The following RBPJ variants were observed in gnomAD, a reference collection of about 807,000 sequenced individuals.
RBPJ encodes recombining binding protein suppressor of hairless.
RBPJ carries 9 observed loss-of-function variants against 67.8 expected under a neutral mutation model. The observed-to-expected ratio is 0.13, with a 90% CI of 0.08 to 0.23. The LOEUF (loss-of-function observed/expected upper bound fraction) is 0.23, where lower values mean the gene tolerates loss of function less well. RBPJ is among the 10% of genes least tolerant of loss of function. The probability of loss-of-function intolerance (pLI) is 1.00; values close to 1 mark genes in which losing one functional copy is unlikely to be tolerated. For synonymous variants in RBPJ, 198 were observed against 203.3 expected (o/e 0.97, Z 0.22); for missense variants, 305 against 595.6 (o/e 0.51, Z 5.08).
chr4:26,237,685 C>G, intron 1 of RBPJ, among the ~76,000 whole-genome samples: 1 of 152,134 alleles, frequency 6.6e-6, no homozygotes, highest in East Asian at 1.9e-4. Context: ...ACGAGAAAAT[C>G]ACTTCAATTT....
intron 1 of RBPJ, among the ~76,000 whole-genome samples, chr4:26,185,260 T>C (rs562422806): frequency 6.6e-6 from 1 of 152,284 alleles, no homozygotes; most frequent in East Asian, 1.9e-4. Context: ...GGCAAACTTC[T>C]TACGGTATTT....
intron 1 of RBPJ, among the ~76,000 whole-genome samples, chr4:26,270,441 A>AAAGAAAGAAGG (rs1560238054): frequency 3.4e-5 from 4 of 116,388 alleles, no homozygotes; most frequent in African/African-American, 1.4e-4. Context: ...AAGAAAGAAG[A>AAAGAAAGAAGG]AAGAAAGAAA....
chr4:26,358,055 T>TG (rs1727602760), intron 1 of RBPJ, among the ~76,000 whole-genome samples: 1 of 88,742 alleles, frequency 1.1e-5, no homozygotes, highest in Non-Finnish European at 2.5e-5. Context: ...GTGTGTGTAT[T>TG]TAATGATCAG....
At chr4:26,166,643 G>A (rs1225379431) in intron 1 of RBPJ, among the ~76,000 whole-genome samples, 6 of 152,114 alleles carry the variant, frequency 3.9e-5, no homozygotes, top group Admixed American at 2.0e-4. Context: ...AGTAGGTTGC[G>A]AAAATGTTCT....
chr4:26,123,219 G>A, the RBPJ span, among the ~76,000 whole-genome samples: 2 of 152,164 alleles, frequency 1.3e-5, no homozygotes, highest in African/African-American at 4.8e-5. Context: ...TGGACAGCAT[G>A]TGACTGTACT....
At chr4:26,366,614 G>A (rs1005179604) in intron 1 of RBPJ, among the ~76,000 whole-genome samples, 8 of 151,878 alleles carry the variant, frequency 5.3e-5, no homozygotes, top group African/African-American at 1.7e-4. Context: ...TAGAGACGGG[G>A]TTTCACCGTG....
chr4:26,169,955 C>T (rs943856846), intron 1 of RBPJ, among the ~76,000 whole-genome samples: 4 of 152,102 alleles, frequency 2.6e-5, no homozygotes, highest in South Asian at 4.1e-4. Context: ...GGGTGTGGCC[C>T]GATTTTCCAG....
chr4:26,309,449 C>A (rs1722353608), intron 1 of RBPJ, among the ~76,000 whole-genome samples: 1 of 152,136 alleles, frequency 6.6e-6, no homozygotes, highest in African/African-American at 2.4e-5. Context: ...TTATTGAGTG[C>A]CTACTATGTA....
intron 1 of RBPJ, chr4:26,362,647 C>G (rs764839324): frequency 3.1e-6 from 5 of 1,604,466 alleles, no homozygotes; most frequent in South Asian, 1.1e-5. Context: ...TAGAAATCTC[C>G]CAGTGACCCC....
intron 1 of RBPJ, among the ~76,000 whole-genome samples, chr4:26,270,424 A>AGAAAGAAAGAAAGAAG (rs1720869180): frequency 1.7e-5 from 1 of 57,144 alleles, no homozygotes; most frequent in African/African-American, 4.6e-5. Flanking sequence ...AAAGAAAGAA[A>AGAAAGAAAGAAAGAAG]GAAAGAAAGA....
chr4:26,418,602 A>G (rs1008480388), intron 4 of RBPJ, among the ~76,000 whole-genome samples: 1 of 151,860 alleles, frequency 6.6e-6, no homozygotes, highest in African/African-American at 2.4e-5. Flanking sequence ...GTTTGCCAAT[A>G]TGTCTTATTT....
chr4:26,420,501 A>G, intron 4 of RBPJ, 50 bp from the exon 5 acceptor site: 1 of 1,395,592 alleles, frequency 7.2e-7, no homozygotes. Context: ...TAGGTACTAC[A>G]TAAACAAACA....
the RBPJ span, among the ~76,000 whole-genome samples, chr4:26,122,351 G>T: frequency 6.6e-6 from 1 of 152,142 alleles, no homozygotes; most frequent in Admixed American, 6.5e-5. Flanking sequence ...GGAACCAAAA[G>T]CATCCTACCA....
At chr4:26,239,269 CAAA>C (rs1322986536) in intron 1 of RBPJ, among the ~76,000 whole-genome samples, 2 of 152,194 alleles carry the variant, frequency 1.3e-5, no homozygotes, top group Non-Finnish European at 2.9e-5. Context: ...CCAGATCACT[CAAA>C]AGTCTGTATC....
intron 1 of RBPJ, among the ~76,000 whole-genome samples, chr4:26,296,775 G>A (rs1721887966): frequency 6.6e-6 from 1 of 152,142 alleles, no homozygotes; most frequent in Non-Finnish European, 1.5e-5. Flanking sequence ...AATTCATTCT[G>A]TATTCTGTTA....
At chr4:26,260,140 A>G in intron 1 of RBPJ, among the ~76,000 whole-genome samples, 1 of 152,310 alleles carries the variant, frequency 6.6e-6, no homozygotes, top group South Asian at 2.1e-4. Context: ...CATAATATAC[A>G]TTTTCATAGT....
chr4:26,135,124 A>T, the RBPJ span, among the ~76,000 whole-genome samples: 5 of 152,006 alleles, frequency 3.3e-5, no homozygotes, highest in Non-Finnish European at 7.4e-5. Context: ...TACCCTGGGG[A>T]TCTGTGGTCC....
At chr4:26,338,387 C>T (rs1439477658) in intron 1 of RBPJ, among the ~76,000 whole-genome samples, 2 of 151,892 alleles carry the variant, frequency 1.3e-5, no homozygotes, top group Non-Finnish European at 2.9e-5. Flanking sequence ...ATCTCTTGAC[C>T]TCGTGATCTG....
At chr4:26,340,274 G>T (rs1009031934) in intron 1 of RBPJ, among the ~76,000 whole-genome samples, 5 of 152,224 alleles carry the variant, frequency 3.3e-5, no homozygotes, top group Non-Finnish European at 7.3e-5. Flanking sequence ...AGAGATTCCT[G>T]TGGGTATGTG....
Sources: gnomAD v4.1 joint callset for allele counts (sites outside exome capture counted in the v4.1 genomes callset) on GRCh38, gnomAD v4.1.1 for gene constraint, MANE v1.5 for transcripts, NCBI Gene and HGNC (gene_info 2026-07-23, HGNC 2026-07-21) for gene names.